Variants in MGAT4A observed in about 807,000 individuals in gnomAD.
MGAT4A encodes alpha-1,3-mannosyl-glycoprotein 4-beta-N-acetylglucosaminyltransferase A.
A neutral mutation model predicts 74.1 loss-of-function variants in MGAT4A; 33 were observed. The observed-to-expected ratio is 0.45, with a 90% CI of 0.34 to 0.60. The LOEUF is 0.60. MGAT4A is among the 20% of genes least tolerant of loss of function. The pLI is 0.02. For synonymous variants in MGAT4A, 198 were observed against 210.4 expected (o/e 0.94, Z 0.51); for missense variants, 479 against 628.3 (o/e 0.76, Z 2.54).
At chr2:98,729,417 C>G (rs957604412) in intron 1 of MGAT4A, among the ~76,000 whole-genome samples, 34 of 152,306 alleles carry the variant, frequency 2.2e-4, no homozygotes, top group African/African-American at 7.2e-4. Flanking sequence ...ACATAATTCA[C>G]AGGCTGGCTT....
chr2:98,709,642 A>G (rs1195188732), intron 2 of MGAT4A, among the ~76,000 whole-genome samples: 1 of 152,200 alleles, frequency 6.6e-6, no homozygotes, highest in African/African-American at 2.4e-5. Flanking sequence ...TTCCTGGAAC[A>G]TTTACCTCCT....
intron 5 of MGAT4A, among the ~76,000 whole-genome samples, chr2:98,662,110 C>T (rs908284213): frequency 3.3e-5 from 5 of 151,996 alleles, no homozygotes; most frequent in African/African-American, 9.7e-5. Context: ...CGAACCCAGG[C>T]GGAAAAACAG....
In MGAT4A at chr2:98,660,414, A is replaced by ACG. The variant is rs879869861; in HGVS notation, c.538-2152_538-2151dup. Among the ~76,000 whole-genome samples the ACG allele has an allele frequency of 8.9e-4, 107 of 119,886 alleles. 1 individual carries two copies. Among genetic ancestry groups the ACG allele is most frequent in the East Asian group, 1.4e-3 (6 of 4,218 alleles). 78.6% of individuals were successfully genotyped at this position (119,886 alleles called of 152,430 possible). ...TAACCACACACACACACACACACGC[A>ACG]CGCGCACACACACACACACACACAC... On this transcript the variant is annotated intron_variant, in intron 5 of 15. Coordinates refer to ENST00000393487, the MANE Select transcript of MGAT4A (RefSeq NM_012214.3).
At chr2:98,650,781 T>C (rs1701564429) in intron 8 of MGAT4A, among the ~76,000 whole-genome samples, 1 of 151,970 alleles carries the variant, frequency 6.6e-6, no homozygotes, top group Non-Finnish European at 1.5e-5. Flanking sequence ...TGAAACCCCA[T>C]CTCTACTAAA....
intron 2 of MGAT4A, among the ~76,000 whole-genome samples, chr2:98,690,915 A>G (rs538168830): frequency 9.2e-5 from 14 of 152,348 alleles, no homozygotes; most frequent in African/African-American, 2.6e-4. Context: ...AAGAAAGACA[A>G]CAGCAATTGC....
chr2:98,625,447 T>C lies in MGAT4A; in HGVS notation c.*119A>G, dbSNP rs185306546. The stretch of plus-strand genomic sequence containing the variant: ...ACTTTCCAAGTGGAAATGACAATCG[T>C]CTTATCTACAGTAGACTTCACAAGA... On this transcript the variant is annotated 3_prime_UTR_variant, in exon 16 of 16. Coordinates refer to ENST00000393487, the MANE Select transcript of MGAT4A (RefSeq NM_012214.3). 2.7e-6 allele frequency: 4 copies of C among 1,504,026 alleles called. No individual in the cohort carries two copies. The African/African-American group carries it at 5.7e-5, about 21-fold the overall frequency. The allele number at this position is 1,504,026 out of a possible 1,614,324, so 93.2% of individuals were successfully genotyped here.
At chr2:98,665,659 T>G (rs1427155614) in intron 4 of MGAT4A, among the ~76,000 whole-genome samples, 1 of 152,242 alleles carries the variant, frequency 6.6e-6, no homozygotes, top group Non-Finnish European at 1.5e-5. Context: ...GGAACGCACA[T>G]TCTAGAAAGG....
intron 14 of MGAT4A, among the ~76,000 whole-genome samples, chr2:98,634,423 G>A (rs1040578563): frequency 1.3e-5 from 2 of 152,072 alleles, no homozygotes; most frequent in African/African-American, 4.8e-5. Context: ...AGGAACAACA[G>A]TCTCAGGGCT....
intron 2 of MGAT4A, among the ~76,000 whole-genome samples, chr2:98,719,386 G>A (rs1189608832): frequency 1.3e-5 from 2 of 152,218 alleles, no homozygotes; most frequent in South Asian, 2.1e-4. Context: ...ATCCCAGGGT[G>A]AGTGTGGGCA....
At chr2:98,695,389 G>C (rs1702256711) in intron 2 of MGAT4A, 1 of 220,768 alleles carries the variant, frequency 4.5e-6, no homozygotes. Flanking sequence ...TGAAGACTCA[G>C]ACAGCCCCCT....
At chr2:98,713,980 T>C (rs1002346405) in intron 2 of MGAT4A, among the ~76,000 whole-genome samples, 1 of 152,218 alleles carries the variant, frequency 6.6e-6, no homozygotes, top group African/African-American at 2.4e-5. Flanking sequence ...TGCACAAATA[T>C]TGAACCCTAG....
At chr2:98,718,631 T>C (rs1702621751) in intron 2 of MGAT4A, among the ~76,000 whole-genome samples, 1 of 152,188 alleles carries the variant, frequency 6.6e-6, no homozygotes, top group African/African-American at 2.4e-5. Flanking sequence ...CTGCAGGATT[T>C]CATCCTGGGA....
At chr2:98,651,309 C>T (rs1486809271) in intron 8 of MGAT4A, among the ~76,000 whole-genome samples, 2 of 152,144 alleles carry the variant, frequency 1.3e-5, no homozygotes, top group African/African-American at 2.4e-5. Context: ...AAATCTGGTA[C>T]CCCTTTCAAA....
At chr2:98,666,562 G>T (rs1017345341) in intron 4 of MGAT4A, among the ~76,000 whole-genome samples, 1 of 152,030 alleles carries the variant, frequency 6.6e-6, no homozygotes. Context: ...GCATGGTGGC[G>T]CATGCCTGTA....
chr2:98,628,296 T>C (rs373910246), intron 14 of MGAT4A, among the ~76,000 whole-genome samples: 8 of 152,212 alleles, frequency 5.3e-5, no homozygotes, highest in African/African-American at 1.7e-4. Context: ...CTCAAAATAA[T>C]CTGCTTTGTT....
At chr2:98,701,324 C>T (rs910273503) in intron 2 of MGAT4A, among the ~76,000 whole-genome samples, 35 of 152,296 alleles carry the variant, frequency 2.3e-4, no homozygotes, top group African/African-American at 7.9e-4. Context: ...GAGTCCAGTG[C>T]AACTTTATCC....
chr2:98,622,828 T>G lies in MGAT4A; in HGVS notation c.*2738A>C. 2.0e-6 allele frequency: 2 copies of G among 984,920 alleles called. No individual in the cohort carries two copies. The highest frequency in any genetic ancestry group is 4.7e-5 in the South Asian group (1 of 21,262). 61.0% of individuals were successfully genotyped at this position (984,920 alleles called of 1,614,324 possible). A position where few individuals can be genotyped will look rare whatever the true frequency, so the allele number is the denominator to read the frequency against. ...AGACAACCGATTGTGTATGCAAGAG[T>G]ATGGCAACGACAGCAGGGAGAGGGA... On this transcript the variant is annotated 3_prime_UTR_variant, in exon 16 of 16. Transcript: ENST00000393487.
Position 98,622,366 on chromosome 2 carries a change from G to C in MGAT4A, c.*3200C>G. On this transcript the variant is annotated 3_prime_UTR_variant, in exon 16 of 16. Transcript: ENST00000393487. ...TGAGTACTTGGAATGTCACTAGTGTGTGTGATGGCAGAACCGGGTAAAAAA... is the reference window on the plus strand; with the variant it reads ...TGAGTACTTGGAATGTCACTAGTGTCTGTGATGGCAGAACCGGGTAAAAAA... 1 of 985,448 alleles carries C rather than the reference G, an allele frequency of 1.0e-6. No homozygotes were observed. The highest frequency in any genetic ancestry group is 1.2e-6 in the Non-Finnish European group (1 of 829,940). The allele number at this position is 985,448 out of a possible 1,614,324, so 61.0% of individuals were successfully genotyped here.
intron 2 of MGAT4A, among the ~76,000 whole-genome samples, chr2:98,713,463 A>C (rs1256294074): frequency 2.6e-5 from 4 of 151,202 alleles, no homozygotes; most frequent in Non-Finnish European, 4.4e-5. Context: ...AAAAAAAAAA[A>C]AACAAACAAA....
Sources: gnomAD v4.1 joint callset for allele counts (sites outside exome capture counted in the v4.1 genomes callset) on GRCh38, gnomAD v4.1.1 for gene constraint, MANE v1.5 for transcripts, NCBI Gene and HGNC (gene_info 2026-07-23, HGNC 2026-07-21) for gene names.